The following SPDYE5 variants were observed in gnomAD, a reference collection of about 807,000 sequenced individuals.
SPDYE5 encodes speedy/RINGO cell cycle regulator family member E5, also known as speedy protein E5.
A neutral mutation model predicts 48.5 loss-of-function variants in SPDYE5; 15 were observed. The ratio of observed to expected loss-of-function variants is 0.31; its 90% CI spans 0.21 to 0.48. The LOEUF is 0.48. Ranked by LOEUF, SPDYE5 falls within the 20% of genes least tolerant of loss-of-function variation. The probability of loss-of-function intolerance (pLI) is 0.99; values close to 1 mark genes in which losing one functional copy is unlikely to be tolerated. For synonymous variants in SPDYE5, 116 were observed against 200.7 expected (o/e 0.58, Z 3.57); for missense variants, 331 against 549.1 (o/e 0.60, Z 3.97).
Position 75,499,270 on chromosome 7 carries a change from G to A in SPDYE5, c.709G>A (p.Gly237Ser), listed in dbSNP as rs201526600. The change falls in exon 6 of 9, where the codon GGC becomes AGC. Residue 237 changes from glycine (G) to serine (S), a missense_variant. By Grantham distance (56) the Gly-to-Ser change is moderately conservative. Transcript: ENST00000625065. ...AMVIAYFSRA[G>S]FPSWQYQRIH... ...GGTCATAGCGTATTTCAGCCGGGCC[G>A]GCTTCCCCTCCTGGCAATACCAACG... 14 of 1,409,604 alleles carry A rather than the reference G, an allele frequency of 9.9e-6. 1 individual carries two copies. Among genetic ancestry groups the A allele is most frequent in the Admixed American group, 1.7e-5 (1 of 58,630 alleles). 87.3% of individuals were successfully genotyped at this position (1,409,604 alleles called of 1,614,324 possible).
At chr7:75,494,361 T>C (rs182227316) in intron 2 of SPDYE5, among the ~76,000 whole-genome samples, 154 bp downstream of exon 2, 20 of 139,014 alleles carry the variant, frequency 1.4e-4, no homozygotes, top group Middle Eastern at 4.9e-3. Flanking sequence ...GCCTGGCCAA[T>C]ATGGTGAAAC....
intron 3 of SPDYE5, among the ~76,000 whole-genome samples, chr7:75,495,922 CG>C (rs1226848791): frequency 6.7e-6 from 1 of 150,288 alleles, no homozygotes; most frequent in East Asian, 2.0e-4. Flanking sequence ...CCCAGCTACT[CG>C]GGAGGCTGAG....
chr7:75,493,111 G>A (rs1279229760), intron 1 of SPDYE5, among the ~76,000 whole-genome samples: 6 of 152,084 alleles, frequency 3.9e-5, no homozygotes, highest in African/African-American at 1.2e-4. Context: ...TGAAATTTTC[G>A]ACTTAGTCTT....
intron 7 of SPDYE5, 30 bp downstream of exon 7, chr7:75,501,785 T>C (rs1170267066): frequency 1.3e-6 from 2 of 1,583,936 alleles, no homozygotes; most frequent in East Asian, 2.3e-5. Context: ...GTGGAGGAGG[T>C]GGGGAGGAAT....
In SPDYE5 at chr7:75,493,715, C is replaced by G; in HGVS notation, c.-333C>G. ...GGAGAGGACACAGCCTCTGCTGGGA[C>G]AGGGAACAGAGGGATGTGGAGTCCC... is the stretch of plus-strand genomic sequence containing the variant. On this transcript the variant is annotated 5_prime_UTR_variant, in exon 2 of 9. Transcript: ENST00000625065. 1 of 1,395,012 alleles carries G rather than the reference C, an allele frequency of 7.2e-7. No homozygotes were observed. Among genetic ancestry groups the G allele is most frequent in the South Asian group, 1.8e-5 (1 of 56,760 alleles). The allele number at this position is 1,395,012 out of a possible 1,614,324, so 86.4% of individuals were successfully genotyped here.
chr7:75,496,430 TCAGAGAGC>T (rs1792936122), intron 3 of SPDYE5, among the ~76,000 whole-genome samples: 1 of 97,376 alleles, frequency 1.0e-5, no homozygotes, highest in African/African-American at 3.8e-5. Flanking sequence ...AAAAAGGGAC[TCAGAGAGC>T]CAGGGACCAG....
At chr7:75,491,702 ATTTTTTTTTTTTT>A (rs782071463), upstream of SPDYE5, among the ~76,000 whole-genome samples, 1,529 of 70,970 alleles carry the variant, frequency 0.022, 37 homozygotes, top group African/African-American at 0.063. Flanking sequence ...CTGTTTAGCC[ATTTTTTTTTTTTT>A]TTTTTTTTTT....
In SPDYE5 at chr7:75,493,820, A is replaced by C. The variant is rs1450744334; in HGVS notation, c.-228A>C. The C allele has an allele frequency of 3.5e-6, 5 of 1,434,482 alleles. No homozygotes were observed. Among genetic ancestry groups the C allele is most frequent in the Non-Finnish European group, 4.5e-6 (5 of 1,099,336 alleles). 88.9% of individuals were successfully genotyped at this position (1,434,482 alleles called of 1,614,324 possible). A position where few individuals can be genotyped will look rare whatever the true frequency, so the allele number is the denominator to read the frequency against. On this transcript the variant is annotated 5_prime_UTR_variant, in exon 2 of 9. Transcript: ENST00000625065. ...TCACCCAGGATCTCCAGGACAAGAG[A>C]TCAGCCTGGCAGTTACATGTGTTTT...
chr7:75,496,947 C>T (rs1554482691), intron 4 of SPDYE5, 43 bp downstream of exon 4: 2 of 1,119,672 alleles, frequency 1.8e-6, no homozygotes, highest in South Asian at 1.5e-5. Context: ...CTGTTCTTTC[C>T]AAAAACAGGA....
At chr7:75,502,694 C>G (rs782783796) in intron 8 of SPDYE5, 139 bp from the exon 9 acceptor site, 41 of 1,147,592 alleles carry the variant, frequency 3.6e-5, no homozygotes, top group Non-Finnish European at 4.4e-5. Flanking sequence ...GGTTCAGAAG[C>G]AGGGTATAGA....
At chr7:75,492,656 C>T (rs1554481911) in intron 1 of SPDYE5, among the ~76,000 whole-genome samples, 1 of 152,138 alleles carries the variant, frequency 6.6e-6, no homozygotes, top group African/African-American at 2.4e-5. Flanking sequence ...CCAAGCTGGT[C>T]TCAAACTCCT....
chr7:75,500,925 C>G (rs1793124480), intron 6 of SPDYE5, among the ~76,000 whole-genome samples: 1 of 152,174 alleles, frequency 6.6e-6, no homozygotes, highest in African/African-American at 2.4e-5. Context: ...CCAGGCTGGT[C>G]TCCAACTCCT....
At position 75,502,747 on chromosome 7, in the gene SPDYE5, A is replaced by G; in HGVS notation, c.*46-86A>G. 2.8e-6 allele frequency: 3 copies of G among 1,078,936 alleles called. No homozygotes were observed. In the South Asian group the frequency reaches 5.2e-5, roughly 19 times the overall value. The allele number at this position is 1,078,936 out of a possible 1,614,324, so 66.8% of individuals were successfully genotyped here. Reference sequence around the variant, plus strand: ...AAATTGCATTTCTCAATTGCTCTGAACTCTAGACTTGACATGGGACGTGAA... The same window carrying G: ...AAATTGCATTTCTCAATTGCTCTGAGCTCTAGACTTGACATGGGACGTGAA... On this transcript the variant is annotated intron_variant, in intron 8 of 8. Transcript: ENST00000625065.
intron 3 of SPDYE5, among the ~76,000 whole-genome samples, chr7:75,496,204 T>C (rs1453957141): frequency 2.0e-5 from 3 of 148,570 alleles, no homozygotes; most frequent in African/African-American, 7.4e-5. Flanking sequence ...CTGGCCAACA[T>C]GGTGAAACCC....
At position 75,501,763 on chromosome 7, in the gene SPDYE5, G is replaced by A; in HGVS notation, c.1149+8G>A. On this transcript the variant is annotated splice_region_variant and intron_variant, in intron 7 of 8. Coordinates refer to ENST00000625065, the MANE Select transcript of SPDYE5 (RefSeq NM_001306141.4). Reference sequence around the variant, plus strand: ...CCGGAGGAGTTGGAGGAGGTAGGTGGGGCCTGGGGAGGTGGAGGAGGTGGG... The same window carrying A: ...CCGGAGGAGTTGGAGGAGGTAGGTGAGGCCTGGGGAGGTGGAGGAGGTGGG... 6.2e-7 allele frequency: 1 copy of A among 1,609,282 alleles called. No homozygotes were observed. The highest frequency in any genetic ancestry group is 8.5e-7 in the Non-Finnish European group (1 of 1,180,012).
chr7:75,494,356 G>C (rs1343634221), intron 2 of SPDYE5, 149 bp downstream of exon 2: 4 of 1,300,462 alleles, frequency 3.1e-6, no homozygotes, highest in Non-Finnish European at 4.1e-6. Context: ...GGCCAGCCTG[G>C]CCAATATGGT....
intron 3 of SPDYE5, 81 bp from the exon 4 acceptor site, chr7:75,496,593 A>G: frequency 6.3e-7 from 1 of 1,592,974 alleles, no homozygotes; most frequent in Non-Finnish European, 8.5e-7. Context: ...GGGAGGATGG[A>G]GAGTGGTTTG....
At chr7:75,494,365 G>A (rs1229501395) in intron 2 of SPDYE5, among the ~76,000 whole-genome samples, 158 bp downstream of exon 2, 2 of 151,940 alleles carry the variant, frequency 1.3e-5, no homozygotes, top group Non-Finnish European at 2.9e-5. Flanking sequence ...GGCCAATATG[G>A]TGAAACCCTA....
rs782272178 is a variant in SPDYE5 at position 75,501,446 on chromosome 7, C to T, written c.840C>T (p.Arg280=). 7 of 1,610,806 alleles carry T rather than the reference C, an allele frequency of 4.3e-6. No individual in the cohort carries two copies. Among genetic ancestry groups the T allele is most frequent in the South Asian group, 1.1e-5 (1 of 90,990 alleles). The change falls in exon 7 of 9, where the codon CGC becomes CGT. Residue 280 remains arginine (R), a synonymous_variant. Transcript: ENST00000625065. ...TCCTGTATGGGAAGAACCGCTCTCG[C>T]ATACCCTTGCTCCGTAAGCGTTGGT... ...FHFLYGKNRS[R]IPLLRKRWFQ...
Sources: gnomAD v4.1 joint callset for allele counts (sites outside exome capture counted in the v4.1 genomes callset) on GRCh38, gnomAD v4.1.1 for gene constraint, MANE v1.5 for transcripts, NCBI Gene and HGNC (gene_info 2026-07-23, HGNC 2026-07-21) for gene names.